Variants in SPAG16 observed in about 807,000 individuals in gnomAD.
The protein encoded by SPAG16 is sperm-associated antigen 16 protein.
SPAG16 carries 86 observed loss-of-function variants against 80.4 expected under a neutral mutation model. The observed-to-expected ratio is 1.07, with a 90% CI of 0.90 to 1.28. The LOEUF (loss-of-function observed/expected upper bound fraction) is 1.28, where lower values mean the gene tolerates loss of function less well. Ranked by LOEUF, SPAG16 falls within the 50% of genes most tolerant of loss-of-function variation. The probability of loss-of-function intolerance (pLI) is 0.00; values close to 1 mark genes in which losing one functional copy is unlikely to be tolerated. For missense variants in SPAG16, 870 were observed against 765.3 expected (o/e 1.14, Z -1.61); for synonymous variants, 294 against 265.9 (o/e 1.11, Z -1.03).
intron 1 of SPAG16, among the ~76,000 whole-genome samples, chr2:213,289,491 C>T (rs1450414498): frequency 1.3e-5 from 2 of 152,156 alleles, no homozygotes; most frequent in Non-Finnish European, 2.9e-5. Flanking sequence ...TCTGAGTCCT[C>T]ATGAAGACTG....
At chr2:213,353,323 T>C (rs1161081290) in intron 7 of SPAG16, among the ~76,000 whole-genome samples, 7 of 152,334 alleles carry the variant, frequency 4.6e-5, no homozygotes, top group Non-Finnish European at 1.0e-4. Context: ...AACATTTCCA[T>C]GTACCCCACT....
At chr2:214,132,596 G>A (rs1483623667) in intron 14 of SPAG16, among the ~76,000 whole-genome samples, 1 of 152,148 alleles carries the variant, frequency 6.6e-6, no homozygotes, top group Non-Finnish European at 1.5e-5. Context: ...AAGTTGTGTT[G>A]GAGCCAAGTT....
intron 14 of SPAG16, among the ~76,000 whole-genome samples, chr2:214,108,805 A>T (rs142518009): frequency 6.0e-4 from 92 of 152,304 alleles, no homozygotes; most frequent in African/African-American, 2.1e-3. Context: ...TGATGACAAA[A>T]CAAAAATATT....
chr2:213,292,672 A>AAAAAC (rs2062332263), intron 1 of SPAG16, among the ~76,000 whole-genome samples: 3 of 128,338 alleles, frequency 2.3e-5, no homozygotes, highest in Non-Finnish European at 5.4e-5. Context: ...TCAAAAAAAA[A>AAAAAC]AAACAAAAAA....
intron 14 of SPAG16, among the ~76,000 whole-genome samples, chr2:214,140,088 T>C (rs2125532638): frequency 6.6e-6 from 1 of 152,298 alleles, no homozygotes; most frequent in South Asian, 2.1e-4. Context: ...TGTAACCTGA[T>C]CGCCTCAGGC....
intron 10 of SPAG16, among the ~76,000 whole-genome samples, chr2:213,691,258 G>A (rs1274634118): frequency 6.6e-6 from 1 of 152,178 alleles, no homozygotes; most frequent in Non-Finnish European, 1.5e-5. Context: ...GGCTAGCCCT[G>A]ACTTGGAGCC....
chr2:214,285,041 G>C (rs1693251167), intron 15 of SPAG16, among the ~76,000 whole-genome samples: 1 of 151,978 alleles, frequency 6.6e-6, no homozygotes, highest in African/African-American at 2.4e-5. Flanking sequence ...TTTTTTTGAG[G>C]AACCTCCATA....
At chr2:213,528,716 G>C (rs1426466087) in intron 10 of SPAG16, among the ~76,000 whole-genome samples, 2 of 151,976 alleles carry the variant, frequency 1.3e-5, no homozygotes, top group Non-Finnish European at 2.9e-5. Context: ...TGGCTTCCCT[G>C]GGCCACACTG....
intron 10 of SPAG16, among the ~76,000 whole-genome samples, chr2:213,772,941 T>C (rs1158902064): frequency 2.6e-5 from 4 of 152,124 alleles, no homozygotes; most frequent in Non-Finnish European, 5.9e-5. Context: ...TGGTCCCTAA[T>C]AATTTTTTGA....
At chr2:213,878,303 T>C (rs371693040) in intron 11 of SPAG16, among the ~76,000 whole-genome samples, 16 of 152,154 alleles carry the variant, frequency 1.1e-4, no homozygotes, top group African/African-American at 3.6e-4. Flanking sequence ...ACCAATAGTG[T>C]ATAAGCATTT....
chr2:213,822,295 C>A (rs527363325), intron 10 of SPAG16, among the ~76,000 whole-genome samples: 1 of 152,124 alleles, frequency 6.6e-6, no homozygotes, highest in South Asian at 2.1e-4. Context: ...TTTCATCGAT[C>A]TTTTTATATG....
intron 1 of SPAG16, among the ~76,000 whole-genome samples, chr2:213,285,253 T>A (rs1020313688): frequency 6.6e-6 from 1 of 152,220 alleles, no homozygotes; most frequent in African/African-American, 2.4e-5. Flanking sequence ...AGCTCAGAGA[T>A]ATTAGGAATA....
At position 213,317,197 on chromosome 2, in the gene SPAG16, C is replaced by CT. The variant is rs781141674; in HGVS notation, c.399-18dup. 1.1e-5 allele frequency: 17 copies of CT among 1,497,056 alleles called. 1 individual carries two copies. In the South Asian group the frequency reaches 2.1e-4, roughly 18 times the overall value. 92.7% of individuals were successfully genotyped at this position (1,497,056 alleles called of 1,614,324 possible). ...TTGGCAGAAAGAAATGATATAAACC[C>CT]TTTTGTTTGATTTTATCCTAGGTAT... On this transcript the variant is annotated intron_variant, in intron 4 of 15. Coordinates refer to ENST00000331683, the MANE Select transcript of SPAG16 (RefSeq NM_024532.5).
At chr2:213,776,823 G>C (rs2069609209) in intron 10 of SPAG16, among the ~76,000 whole-genome samples, 1 of 91,740 alleles carries the variant, frequency 1.1e-5, no homozygotes, top group African/African-American at 3.4e-5. Context: ...AGCGTTCTAT[G>C]CCACCCCCCC....
rs556590333 is a variant in SPAG16, at chr2:213,792,217, C to T, written c.1071-70268C>T. On this transcript the variant is annotated intron_variant, in intron 10 of 15. Transcript: ENST00000331683. ...TATTAAGTACATAAAATAAAAGTGCCAAGGAATCCCATAGCTTTTGCTGAC... is the reference window on the plus strand; with the variant it reads ...TATTAAGTACATAAAATAAAAGTGCTAAGGAATCCCATAGCTTTTGCTGAC... 5.3e-5 allele frequency among the ~76,000 whole-genome samples: 8 copies of T among 152,290 alleles called. 1 individual carries two copies. In the South Asian group the frequency reaches 1.7e-3, roughly 32 times the overall value.
At chr2:213,615,726 A>G (rs758490382) in intron 10 of SPAG16, among the ~76,000 whole-genome samples, 1 of 152,226 alleles carries the variant, frequency 6.6e-6, no homozygotes, top group Non-Finnish European at 1.5e-5. Flanking sequence ...TTAACGTTAG[A>G]TAATATTAGT....
At chr2:214,061,413 G>A (rs533851428) in intron 13 of SPAG16, among the ~76,000 whole-genome samples, 48 of 152,262 alleles carry the variant, frequency 3.2e-4, no homozygotes, top group East Asian at 7.7e-4. Context: ...GTATGCATGC[G>A]TGTGTATACA....
At chr2:214,042,433 AAAC>A (rs150244128) in intron 13 of SPAG16, among the ~76,000 whole-genome samples, 2,082 of 149,842 alleles carry the variant, frequency 0.014, 37 homozygotes, top group African/African-American at 0.042. Flanking sequence ...AACAAAAACA[AAAC>A]AACAACAACA....
intron 13 of SPAG16, among the ~76,000 whole-genome samples, chr2:214,038,007 A>C (rs1484426077): frequency 6.6e-6 from 1 of 151,968 alleles, no homozygotes; most frequent in Non-Finnish European, 1.5e-5. Context: ...CAAATTGAAA[A>C]TAATTTCCTT....
Sources: gnomAD v4.1 joint callset for allele counts (sites outside exome capture counted in the v4.1 genomes callset) on GRCh38, gnomAD v4.1.1 for gene constraint, MANE v1.5 for transcripts, NCBI Gene and HGNC (gene_info 2026-07-23, HGNC 2026-07-21) for gene names.